The following DOCK4 variants were observed in gnomAD, a reference collection of about 807,000 sequenced individuals.
DOCK4 encodes the protein dedicator of cytokinesis protein 4.
DOCK4 carries 97 observed loss-of-function variants against 268.1 expected under a neutral mutation model. The observed-to-expected ratio is 0.36, with a 90% confidence interval of 0.31 to 0.43. The LOEUF (loss-of-function observed/expected upper bound fraction) is 0.43. Ranked by LOEUF, DOCK4 falls within the 20% of genes least tolerant of loss-of-function variation. The pLI, the probability that DOCK4 is intolerant of heterozygous loss-of-function variation, is 1.00. For missense variants in DOCK4, 2,145 were observed against 2,455.7 expected (o/e 0.87, Z 2.67); for synonymous variants, 954 against 887.2 (o/e 1.08, Z -1.34).
intron 12 of DOCK4, among the ~76,000 whole-genome samples, chr7:111,924,736 T>G (rs1703618096): frequency 6.6e-6 from 1 of 152,162 alleles, no homozygotes; most frequent in East Asian, 1.9e-4. Flanking sequence ...GCCAATGTAG[T>G]GAGTCCCCAT....
chr7:112,075,730 A>G (rs73434660), intron 1 of DOCK4, among the ~76,000 whole-genome samples: 242 of 152,290 alleles, frequency 1.6e-3, no homozygotes, highest in African/African-American at 5.4e-3. Flanking sequence ...CATAGTCACA[A>G]TGAAACTTTT....
chr7:111,973,034 C>T (rs1323304509), intron 8 of DOCK4, among the ~76,000 whole-genome samples: 1 of 151,462 alleles, frequency 6.6e-6, no homozygotes, highest in East Asian at 1.9e-4. Context: ...TGAGTGAGAA[C>T]ATACAATGTT....
At chr7:111,953,317 G>A (rs1350147725) in intron 8 of DOCK4, among the ~76,000 whole-genome samples, 1 of 152,156 alleles carries the variant, frequency 6.6e-6, no homozygotes, top group African/African-American at 2.4e-5. Flanking sequence ...CTAAGGGGTG[G>A]TAAGATGGAC....
chr7:111,940,486 C>T (rs1165757269), intron 10 of DOCK4, among the ~76,000 whole-genome samples: 3 of 152,212 alleles, frequency 2.0e-5, no homozygotes, highest in African/African-American at 7.2e-5. Flanking sequence ...AATACAAAGA[C>T]TGGAACAGAT....
At chr7:112,182,770 AGGTGTGCAG>A (rs758517910) in intron 1 of DOCK4, among the ~76,000 whole-genome samples, 1 of 152,264 alleles carries the variant, frequency 6.6e-6, no homozygotes, top group Non-Finnish European at 1.5e-5. Flanking sequence ...GCACACGGCT[AGGTGTGCAG>A]GCATGTGCCT....
At chr7:111,946,866 G>A (rs567337376) in intron 8 of DOCK4, among the ~76,000 whole-genome samples, 125 of 152,324 alleles carry the variant, frequency 8.2e-4, no homozygotes, top group African/African-American at 2.9e-3. Flanking sequence ...ACAGGCATGA[G>A]TCATTGCACC....
intron 1 of DOCK4, among the ~76,000 whole-genome samples, chr7:112,136,831 C>T (rs1814399769): frequency 6.6e-6 from 1 of 152,100 alleles, no homozygotes; most frequent in Non-Finnish European, 1.5e-5. Context: ...TGACATTTTC[C>T]AGAAGGCTAG....
intron 17 of DOCK4, among the ~76,000 whole-genome samples, chr7:111,873,429 C>A (rs1331441178): frequency 6.6e-6 from 1 of 152,196 alleles, no homozygotes; most frequent in South Asian, 2.1e-4. Flanking sequence ...TCGCGTGTGC[C>A]GAGCACGCGC....
At position 111,984,248 on chromosome 7, in the gene DOCK4, T is replaced by G. The variant is rs987719408; in HGVS notation, c.549+58A>C. On this transcript the variant is annotated intron_variant, in intron 7 of 52. Coordinates refer to ENST00000428084, the MANE Select transcript of DOCK4 (RefSeq NM_001363540.2). ...TACAAAATCAAGCAAGTATGAGGAGTGCCATGGAAACCAGAAAATTAGCAG... is the reference window on the plus strand; with the variant it reads ...TACAAAATCAAGCAAGTATGAGGAGGGCCATGGAAACCAGAAAATTAGCAG... 2.1e-6 allele frequency: 3 copies of G among 1,432,102 alleles called. No individual in the cohort carries two copies. In the African/African-American group the frequency reaches 4.3e-5, roughly 20 times the overall value. The allele number at this position is 1,432,102 out of a possible 1,614,324, so 88.7% of individuals were successfully genotyped here.
intron 1 of DOCK4, among the ~76,000 whole-genome samples, chr7:112,146,646 C>T (rs757775144): frequency 6.6e-6 from 1 of 152,138 alleles, no homozygotes; most frequent in Non-Finnish European, 1.5e-5. Flanking sequence ...GCAGGAGGAT[C>T]ACCTGAGTCT....
intron 37 of DOCK4, among the ~76,000 whole-genome samples, chr7:111,767,374 G>A (rs7778675): frequency 0.078 from 11,887 of 151,516 alleles, 1,492 homozygotes; most frequent in African/African-American, 0.26. Context: ...TTACAGGCAC[G>A]CACCACCACA....
At chr7:112,011,885 T>A (rs1373174947) in intron 1 of DOCK4, among the ~76,000 whole-genome samples, 4 of 147,166 alleles carry the variant, frequency 2.7e-5, no homozygotes, top group Non-Finnish European at 6.0e-5. Flanking sequence ...CTAGATGAGA[T>A]GAGAGAAAGC....
intron 1 of DOCK4, among the ~76,000 whole-genome samples, chr7:112,181,184 C>T (rs1432896419): frequency 6.6e-6 from 1 of 152,022 alleles, no homozygotes; most frequent in East Asian, 1.9e-4. Context: ...ATGATACAGC[C>T]TTTTGAGAAG....
chr7:111,933,991 C>T (rs1047121861), intron 12 of DOCK4, among the ~76,000 whole-genome samples: 1 of 152,118 alleles, frequency 6.6e-6, no homozygotes, highest in Non-Finnish European at 1.5e-5. Flanking sequence ...AAAAGAAAGG[C>T]GGTTTGAATT....
chr7:111,787,496 T>C (rs1163946981), intron 32 of DOCK4, among the ~76,000 whole-genome samples: 1 of 152,150 alleles, frequency 6.6e-6, no homozygotes, highest in Non-Finnish European at 1.5e-5. Flanking sequence ...AAAGAATATA[T>C]TTTATCACCC....
Position 111,769,522 on chromosome 7 carries a change from C to A in DOCK4, c.3828+7G>T, listed in dbSNP as rs543025963. 6.2e-7 allele frequency: 1 copy of A among 1,613,396 alleles called. No homozygotes were observed. Among genetic ancestry groups the A allele is most frequent in the South Asian group, 1.1e-5 (1 of 91,054 alleles). Reference sequence around the variant, plus strand: ...GGAGGGACCCCGGGCGGGGCAGGGCCACTTACTTTGCCTCTGTCAAAGTTC... The same window carrying A: ...GGAGGGACCCCGGGCGGGGCAGGGCAACTTACTTTGCCTCTGTCAAAGTTC... On this transcript the variant is annotated splice_region_variant and intron_variant, in intron 37 of 52. Transcript: ENST00000428084.
intron 52 of DOCK4, 84 bp from the exon 53 acceptor site, chr7:111,728,804 A>C: frequency 7.3e-7 from 1 of 1,366,954 alleles, no homozygotes; most frequent in Non-Finnish European, 9.8e-7. Context: ...CCCGACGCGG[A>C]GGCCCCGGCC....
chr7:112,023,623 T>C (rs1211117953), intron 1 of DOCK4: 1 of 452,702 alleles, frequency 2.2e-6, no homozygotes, highest in Non-Finnish European at 4.4e-6. Flanking sequence ...GAAGGGCTTT[T>C]GTTTGTTTTT....
chr7:112,036,753 C>T (rs1487188393), intron 1 of DOCK4, among the ~76,000 whole-genome samples: 5 of 151,440 alleles, frequency 3.3e-5, no homozygotes, highest in East Asian at 1.9e-4. Context: ...CTCCACCACC[C>T]GGGTTCAAAC....
Sources: allele counts gnomAD v4.1 joint callset (sites outside exome capture counted in the v4.1 genomes callset), GRCh38; gene constraint gnomAD v4.1.1; transcripts MANE v1.5; gene names NCBI Gene and HGNC (gene_info 2026-07-23, HGNC 2026-07-21).